Variants in PCBP2 observed in about 807,000 individuals in gnomAD.
PCBP2 encodes the protein poly(rC) binding protein 2.
Under a neutral mutation model 50.1 loss-of-function variants are expected in PCBP2, and 4 were observed. That is an observed-to-expected ratio of 0.08 (90% CI 0.04 to 0.18). The LOEUF is 0.18. PCBP2 is among the 10% of genes least tolerant of loss of function. The pLI, the probability that PCBP2 is intolerant of heterozygous loss-of-function variation, is 1.00. For missense variants in PCBP2, 161 were observed against 474.3 expected (o/e 0.34, Z 6.14); for synonymous variants, 179 against 168.0 (o/e 1.07, Z -0.51).
intron 14 of PCBP2, among the ~76,000 whole-genome samples, chr12:53,477,835 A>AGATGGT (rs1942733839): frequency 6.6e-6 from 1 of 152,218 alleles, no homozygotes; most frequent in South Asian, 2.1e-4. Flanking sequence ...GAAGGGATAC[A>AGATGGT]GATGGTGAAT....
Position 53,454,719 on chromosome 12 carries a change from A to G in PCBP2, c.-75-7A>G. On this transcript the variant is annotated splice_region_variant and splice_polypyrimidine_tract_variant and intron_variant, in intron 1 of 14. Transcript: ENST00000546463. ...CTCCTCTGATTTTGGTCATGTTTGC[A>G]TTTTAGTTTTTGGCTTTCACCCCCA... is the stretch of plus-strand genomic sequence containing the variant. 1 of 1,064,042 alleles carries G rather than the reference A, an allele frequency of 9.4e-7. No homozygotes were observed. The highest frequency in any genetic ancestry group is 1.5e-6 in the Non-Finnish European group (1 of 683,866). 65.9% of individuals were successfully genotyped at this position (1,064,042 alleles called of 1,614,324 possible).
intron 14 of PCBP2, among the ~76,000 whole-genome samples, chr12:53,478,074 C>T (rs1336633557): frequency 6.6e-6 from 1 of 152,204 alleles, no homozygotes; most frequent in African/African-American, 2.4e-5. Flanking sequence ...AAATGACTAT[C>T]TCTTTGAAAC....
rs1317790800 is a variant in PCBP2, at chr12:53,480,230, AAACTAAAAATTTC to A, written c.*790_*802del. Reference sequence around the variant, plus strand: ...CCCCTTGTTCAGGCTTGCATATTTTAAACTAAAAATTTCAGTCTATTGTTTTTAGTAACTTCAT... The same window carrying A: ...CCCCTTGTTCAGGCTTGCATATTTTAAGTCTATTGTTTTTAGTAACTTCAT... On this transcript the variant is annotated 3_prime_UTR_variant, in exon 15 of 15. Transcript: ENST00000546463. The A allele has an allele frequency of 6.6e-6, 1 of 152,172 alleles. No homozygotes were observed. The highest frequency in any genetic ancestry group is 2.4e-5 in the African/African-American group (1 of 41,444). The allele number at this position is 152,172 out of a possible 1,614,324, so 9.4% of individuals were successfully genotyped here.
intron 14 of PCBP2, chr12:53,475,298 T>C: frequency 2.6e-6 from 1 of 390,828 alleles, no homozygotes; most frequent in South Asian, 1.9e-5. Flanking sequence ...AATGAAACTA[T>C]TGTGAGCTTG....
intron 13 of PCBP2, among the ~76,000 whole-genome samples, chr12:53,470,934 T>A (rs1942187138): frequency 6.6e-6 from 1 of 152,084 alleles, no homozygotes; most frequent in South Asian, 2.1e-4. Flanking sequence ...TTATTTTTGT[T>A]TTGGCTCTGC....
intron 12 of PCBP2, 110 bp from the exon 13 acceptor site, chr12:53,468,667 A>C (rs1941985514): frequency 1.2e-6 from 1 of 829,892 alleles, no homozygotes; most frequent in African/African-American, 1.7e-5. Context: ...GAATCCCAAC[A>C]GCTAATGATG....
intron 5 of PCBP2, among the ~76,000 whole-genome samples, chr12:53,456,438 A>G (rs139110161): frequency 6.6e-6 from 1 of 152,108 alleles, no homozygotes; most frequent in African/African-American, 2.4e-5. Flanking sequence ...AGCCTGGGCA[A>G]CAGAGTGAGA....
intron 6 of PCBP2, chr12:53,460,810 T>C (rs935490913): frequency 4.2e-6 from 2 of 477,900 alleles, no homozygotes; most frequent in African/African-American, 2.0e-5. Flanking sequence ...CGCTTATTCT[T>C]GTCTTTCAGT....
At chr12:53,472,424 C>T (rs1197609012) in intron 14 of PCBP2, among the ~76,000 whole-genome samples, 2 of 152,128 alleles carry the variant, frequency 1.3e-5, no homozygotes, top group African/African-American at 4.8e-5. Flanking sequence ...GTTTTATTTC[C>T]CTTATCCATA....
At chr12:53,472,009 G>GA (rs1023757519) in intron 14 of PCBP2, among the ~76,000 whole-genome samples, 9 of 149,488 alleles carry the variant, frequency 6.0e-5, no homozygotes, top group Non-Finnish European at 1.2e-4. Context: ...GTTGGTGGGG[G>GA]GGGGAGCACA....
chr12:53,458,135 G>A (rs761673877), intron 5 of PCBP2, among the ~76,000 whole-genome samples: 11 of 151,922 alleles, frequency 7.2e-5, no homozygotes, highest in Non-Finnish European at 1.6e-4. Context: ...CACCATGTTG[G>A]CCAGGCTGGT....
chr12:53,455,525 T>G (rs755402631), intron 4 of PCBP2, 32 bp downstream of exon 4: 38 of 1,609,012 alleles, frequency 2.4e-5, no homozygotes, highest in Non-Finnish European at 3.1e-5. Context: ...TTGTTAACTT[T>G]GGGAAGTAAA....
intron 8 of PCBP2, among the ~76,000 whole-genome samples, chr12:53,463,883 A>G (rs765700449): frequency 1.3e-5 from 2 of 152,226 alleles, no homozygotes; most frequent in African/African-American, 2.4e-5. Context: ...TTGGGAGTCC[A>G]TCTCTTTCAC....
chr12:53,464,902 G>A, intron 9 of PCBP2, 50 bp downstream of exon 9: 2 of 1,542,148 alleles, frequency 1.3e-6, no homozygotes, highest in Non-Finnish European at 8.7e-7. Context: ...TTCCGCCTCA[G>A]CCGAGACTGC....
rs577620374 is a variant in PCBP2 at position 53,463,562 on chromosome 12, T to C, written c.579+995T>C. Among the ~76,000 whole-genome samples, 83 of 152,372 alleles carry C rather than the reference T, an allele frequency of 5.4e-4. 1 individual carries two copies. The highest frequency in any genetic ancestry group is 1.9e-3 in the African/African-American group (78 of 41,582). The stretch of plus-strand genomic sequence containing the variant: ...AAGTAACCTAGAGATGATTAAAATA[T>C]GTGGGAGGATATGCTTAGGTTATAT... On this transcript the variant is annotated intron_variant, in intron 8 of 14. Transcript: ENST00000546463.
Position 53,464,793 on chromosome 12 carries a change from T to C in PCBP2, c.613T>C (p.Phe205Leu). The change falls in exon 9 of 15, where the codon TTT becomes CTT. Residue 205 changes from phenylalanine (F) to leucine (L), a missense_variant. Physicochemically the swap from Phe to Leu is conservative, Grantham distance 22. This residue lies in a region of PCBP2 where 35 missense variants were observed against 45.5 expected (regional missense o/e 0.77). Coordinates refer to ENST00000546463, the MANE Select transcript of PCBP2 (RefSeq NM_031989.5). The part of the protein sequence containing the change: ...RYSTGSDSAS[F>L]PHTTPSMCLN... ...CAGCACAGGCAGCGACAGTGCGAGC[T>C]TTCCCCACACCACCCCGTCCATGTG... 1.9e-6 allele frequency: 3 copies of C among 1,611,994 alleles called. No individual in the cohort carries two copies. Among genetic ancestry groups the C allele is most frequent in the Non-Finnish European group, 2.5e-6 (3 of 1,179,118 alleles).
At chr12:53,458,143 G>A (rs1248915845) in intron 5 of PCBP2, among the ~76,000 whole-genome samples, 1 of 152,082 alleles carries the variant, frequency 6.6e-6, no homozygotes, top group East Asian at 1.9e-4. Context: ...TGGCCAGGCT[G>A]GTCTCGGACT....
At chr12:53,457,236 A>G (rs779172965) in intron 5 of PCBP2, among the ~76,000 whole-genome samples, 4 of 152,104 alleles carry the variant, frequency 2.6e-5, no homozygotes, top group Non-Finnish European at 4.4e-5. Context: ...GTTTTCTTGT[A>G]GAGATGGGAG....
chr12:53,462,771 C>T (rs1164227200), intron 8 of PCBP2, among the ~76,000 whole-genome samples: 2 of 152,120 alleles, frequency 1.3e-5, no homozygotes, highest in East Asian at 1.9e-4. Flanking sequence ...TGTAGGCACT[C>T]GGAAGAGGTA....
Sources: gnomAD v4.1 joint callset for allele counts (sites outside exome capture counted in the v4.1 genomes callset) on GRCh38, gnomAD v4.1.1 for gene constraint, gnomAD v4.1.1 regional missense constraint, MANE v1.5 for transcripts, NCBI Gene and HGNC (gene_info 2026-07-23, HGNC 2026-07-21) for gene names.